The following LDB2 variants were observed in gnomAD, a reference collection of about 807,000 sequenced individuals.
The protein encoded by LDB2 is LIM domain binding 2.
A neutral mutation model predicts 44.3 loss-of-function variants in LDB2; 12 were observed. The observed-to-expected ratio is 0.27, with a 90% CI of 0.17 to 0.44. The LOEUF (loss-of-function observed/expected upper bound fraction) is 0.44, where lower values mean the gene tolerates loss of function less well. LDB2 is among the 20% of genes least tolerant of loss of function. LDB2 has a pLI of 1.00. For missense variants in LDB2, 344 were observed against 473.5 expected (o/e 0.73, Z 2.54); for synonymous variants, 164 against 174.8 (o/e 0.94, Z 0.49).
intron 2 of LDB2, among the ~76,000 whole-genome samples, chr4:16,754,695 C>A (rs1387033525): frequency 6.6e-6 from 1 of 151,990 alleles, no homozygotes; most frequent in Non-Finnish European, 1.5e-5. Context: ...CCACGCCCAG[C>A]CAATTTTTGT....
chr4:16,561,293 T>C (rs1488408277), intron 5 of LDB2, among the ~76,000 whole-genome samples: 4 of 152,362 alleles, frequency 2.6e-5, no homozygotes, highest in Middle Eastern at 3.4e-3. Context: ...TGTTTGCAGA[T>C]GACGTGATTG....
chr4:16,505,705 G>T, intron 7 of LDB2: 1 of 690,636 alleles, frequency 1.4e-6, no homozygotes. Flanking sequence ...ACAACAGCGA[G>T]CCATCTGAGA....
intron 1 of LDB2, among the ~76,000 whole-genome samples, chr4:16,884,362 A>G (rs1454679171): frequency 3.3e-5 from 5 of 152,158 alleles, no homozygotes; most frequent in African/African-American, 7.2e-5. Context: ...GCTATCGTCC[A>G]AAGTATAGTC....
chr4:16,598,261 T>A lies in LDB2; in HGVS notation c.236-2386A>T, dbSNP rs557876121. On this transcript the variant is annotated intron_variant, in intron 2 of 7. Transcript: ENST00000304523. ...TTAAAAGAACTCGAAGCTTTCACTTTGTTCTCAGGAAGAAGTCAGTTGCTA... is the reference window on the plus strand; with the variant it reads ...TTAAAAGAACTCGAAGCTTTCACTTAGTTCTCAGGAAGAAGTCAGTTGCTA... Among the ~76,000 whole-genome samples, 11 of 152,342 alleles carry A rather than the reference T, an allele frequency of 7.2e-5. No individual in the cohort carries two copies. The East Asian group carries it at 2.1e-3, about 29-fold the overall frequency.
chr4:16,834,162 G>A (rs748549577), intron 1 of LDB2, among the ~76,000 whole-genome samples: 3 of 152,170 alleles, frequency 2.0e-5, no homozygotes, highest in Non-Finnish European at 2.9e-5. Context: ...ACAAGGGAGG[G>A]CTTATTGTCT....
chr4:16,693,423 G>A (rs1235469833), intron 2 of LDB2, among the ~76,000 whole-genome samples: 2 of 142,696 alleles, frequency 1.4e-5, no homozygotes, highest in African/African-American at 2.6e-5. Context: ...TGACGCCATC[G>A]CGGCTCACCG....
intron 5 of LDB2, among the ~76,000 whole-genome samples, chr4:16,519,820 A>G (rs1725310502): frequency 6.6e-6 from 1 of 151,950 alleles, no homozygotes; most frequent in South Asian, 2.1e-4. Context: ...CCCTTAATAC[A>G]AAAGCCTGGA....
chr4:16,643,814 G>A (rs890352897), intron 2 of LDB2, among the ~76,000 whole-genome samples: 24 of 151,734 alleles, frequency 1.6e-4, no homozygotes, highest in African/African-American at 5.6e-4. Flanking sequence ...AAAGTGTCAC[G>A]AATAAACTTA....
chr4:16,787,487 G>A (rs745716720), intron 1 of LDB2, among the ~76,000 whole-genome samples: 17 of 152,094 alleles, frequency 1.1e-4, no homozygotes, highest in South Asian at 4.2e-4. Flanking sequence ...GGTGGCATGC[G>A]CCTGTAATCC....
At chr4:16,746,780 C>T (rs1023605200) in intron 2 of LDB2, among the ~76,000 whole-genome samples, 4 of 151,892 alleles carry the variant, frequency 2.6e-5, no homozygotes, top group Non-Finnish European at 5.9e-5. Flanking sequence ...GAGTGAGGCT[C>T]GGTCTCAATA....
intron 2 of LDB2, among the ~76,000 whole-genome samples, chr4:16,688,958 T>C (rs1300367298): frequency 6.6e-6 from 1 of 152,254 alleles, no homozygotes. Context: ...ACAAACACTT[T>C]ATTTATTTCA....
intron 2 of LDB2, among the ~76,000 whole-genome samples, chr4:16,659,302 A>G (rs989315397): frequency 6.6e-6 from 1 of 152,166 alleles, no homozygotes; most frequent in Non-Finnish European, 1.5e-5. Context: ...AAACACACAG[A>G]GGTGGATAAA....
chr4:16,792,765 T>C (rs189913767), intron 1 of LDB2, among the ~76,000 whole-genome samples: 6 of 152,310 alleles, frequency 3.9e-5, no homozygotes, highest in Admixed American at 3.3e-4. Context: ...GCTCAGTGAC[T>C]TACAGGCAGG....
At chr4:16,740,564 C>A (rs1373853761) in intron 2 of LDB2, among the ~76,000 whole-genome samples, 1 of 152,240 alleles carries the variant, frequency 6.6e-6, no homozygotes, top group African/African-American at 2.4e-5. Context: ...CATGAACTTT[C>A]TGCATCGGTT....
At chr4:16,871,508 A>G (rs544015117) in intron 1 of LDB2, among the ~76,000 whole-genome samples, 1 of 152,320 alleles carries the variant, frequency 6.6e-6, no homozygotes, top group East Asian at 1.9e-4. Flanking sequence ...GCAGTGACTC[A>G]TGTCACTGAT....
At chr4:16,680,104 T>C (rs1208394339) in intron 2 of LDB2, among the ~76,000 whole-genome samples, 3 of 152,132 alleles carry the variant, frequency 2.0e-5, no homozygotes, top group Non-Finnish European at 4.4e-5. Flanking sequence ...ATAGGATTAG[T>C]GCCCACATAA....
chr4:16,541,428 A>T (rs1733728416), intron 5 of LDB2, among the ~76,000 whole-genome samples: 1 of 152,104 alleles, frequency 6.6e-6, no homozygotes, highest in South Asian at 2.1e-4. Context: ...TGCCAACACT[A>T]TGTTTTCTCT....
chr4:16,842,659 G>A (rs981913996), intron 1 of LDB2, among the ~76,000 whole-genome samples: 3 of 152,204 alleles, frequency 2.0e-5, no homozygotes, highest in Non-Finnish European at 4.4e-5. Flanking sequence ...CCTTTGAGTA[G>A]TGGATATTGT....
At chr4:16,651,666 T>C (rs1406721487) in intron 2 of LDB2, among the ~76,000 whole-genome samples, 1 of 152,092 alleles carries the variant, frequency 6.6e-6, no homozygotes, top group African/African-American at 2.4e-5. Flanking sequence ...TTACAATAAA[T>C]GTGCAGTCTT....
Sources: gnomAD v4.1 joint callset for allele counts (sites outside exome capture counted in the v4.1 genomes callset) on GRCh38, gnomAD v4.1.1 for gene constraint, MANE v1.5 for transcripts, NCBI Gene and HGNC (gene_info 2026-07-23, HGNC 2026-07-21) for gene names.